Variants in DRC1 observed in about 807,000 individuals in gnomAD.
DRC1 encodes dynein regulatory complex subunit 1.
Under a neutral mutation model 98.7 loss-of-function variants are expected in DRC1, and 74 were observed. The ratio of observed to expected loss-of-function variants is 0.75; its 90% CI spans 0.62 to 0.91. The LOEUF (loss-of-function observed/expected upper bound fraction) is 0.91. Ranked by LOEUF, DRC1 falls within the 40% of genes least tolerant of loss-of-function variation. DRC1 has a pLI of 0.00. For missense variants in DRC1, 875 were observed against 886.0 expected, an observed-to-expected ratio of 0.99 and a Z score of 0.16; for synonymous variants, 336 against 334.1, an observed-to-expected ratio of 1.01 and a Z score of -0.06.
At chr2:26,456,095 G>T (rs1664159374) in intron 16 of DRC1, among the ~76,000 whole-genome samples, 1 of 152,230 alleles carries the variant, frequency 6.6e-6, no homozygotes, top group Non-Finnish European at 1.5e-5. Flanking sequence ...AGACATTCTG[G>T]ACGGTATGGT....
chr2:26,440,345 G>GTGTA (rs1553342515), intron 7 of DRC1, 33 bp from the exon 8 acceptor site: 781 of 1,317,798 alleles, frequency 5.9e-4, no homozygotes, highest in Middle Eastern at 1.4e-3. Flanking sequence ...GTGTGTGTGT[G>GTGTA]TATATATATA....
chr2:26,402,174 C>G (rs13003230), intron 1 of DRC1, 30 bp downstream of exon 1: 3 of 1,542,926 alleles, frequency 1.9e-6, no homozygotes, highest in Non-Finnish European at 2.6e-6. Flanking sequence ...GGGCGGGATC[C>G]GCGCCGCAGG....
At chr2:26,410,495 C>T (rs1223367758) in intron 1 of DRC1, among the ~76,000 whole-genome samples, 3 of 152,118 alleles carry the variant, frequency 2.0e-5, no homozygotes, top group Non-Finnish European at 4.4e-5. Flanking sequence ...TGGTCTCGAA[C>T]TCTTTACCTC....
chr2:26,452,677 A>G (rs1664038899), intron 13 of DRC1, among the ~76,000 whole-genome samples: 1 of 152,226 alleles, frequency 6.6e-6, no homozygotes, highest in Non-Finnish European at 1.5e-5. Flanking sequence ...AATATATGGT[A>G]TGTCTACACG....
At chr2:26,423,622 A>G (rs1663208435) in intron 3 of DRC1, among the ~76,000 whole-genome samples, 1 of 152,214 alleles carries the variant, frequency 6.6e-6, no homozygotes, top group Admixed American at 6.5e-5. Flanking sequence ...CCATATTTGT[A>G]CATTCCACTA....
rs1195233049 is a variant in DRC1, at chr2:26,448,458, G to T, written c.1397-233G>T. The T allele has an allele frequency of 6.0e-6, 4 of 669,690 alleles. No individual in the cohort carries two copies. In the African/African-American group the frequency reaches 7.1e-5, roughly 12 times the overall value. 41.5% of individuals were successfully genotyped at this position (669,690 alleles called of 1,614,324 possible). ...AATTTGGAAAAGTAGGGCATTACAG[G>T]CTGGCTGGGAATGGCCGAGTTCTCC... On this transcript the variant is annotated intron_variant, in intron 10 of 16. Transcript: ENST00000288710.
At chr2:26,414,146 G>A (rs1224512442) in intron 1 of DRC1, among the ~76,000 whole-genome samples, 198 bp from the exon 2 acceptor site, 1 of 79,770 alleles carries the variant, frequency 1.3e-5, no homozygotes. Context: ...TATTATTATT[G>A]TTTTACATAA....
chr2:26,440,655 T>C, intron 8 of DRC1, 138 bp downstream of exon 8: 1 of 1,156,754 alleles, frequency 8.6e-7, no homozygotes. Context: ...TTTGGAAAAG[T>C]TAATACATTC....
chr2:26,454,498 C>A lies in DRC1; in HGVS notation c.1920-149C>A. On this transcript the variant is annotated intron_variant, in intron 14 of 16. Coordinates refer to ENST00000288710, the MANE Select transcript of DRC1 (RefSeq NM_145038.5). This position sits in a 1 kb window ranked among gnomAD's most constrained non-coding sequence, Gnocchi z 5.2. ...AGGAACGTTGACAATAAGCATGCGT[C>A]CTTTCTGAGAACCTGCCACCGTCTA... is the stretch of plus-strand genomic sequence containing the variant. 1 of 1,160,294 alleles carries A rather than the reference C, an allele frequency of 8.6e-7. No individual in the cohort carries two copies. The highest frequency in any genetic ancestry group is 1.2e-6 in the Non-Finnish European group (1 of 823,472). The allele number at this position is 1,160,294 out of a possible 1,614,324, so 71.9% of individuals were successfully genotyped here. A position where few individuals can be genotyped will look rare whatever the true frequency, so the allele number is the denominator to read the frequency against.
At chr2:26,438,087 C>CAA (rs61571007) in intron 7 of DRC1, among the ~76,000 whole-genome samples, 889 of 49,040 alleles carry the variant, frequency 0.018, 15 homozygotes, top group African/African-American at 0.042. Flanking sequence ...GACTCTATCT[C>CAA]AAAAAAAAAA....
At chr2:26,419,218 T>A (rs1358627593) in intron 2 of DRC1, among the ~76,000 whole-genome samples, 1 of 152,168 alleles carries the variant, frequency 6.6e-6, no homozygotes, top group African/African-American at 2.4e-5. Flanking sequence ...TTTTACATGA[T>A]ACTATAATTT....
At chr2:26,403,779 G>A (rs1678331973) in intron 1 of DRC1, among the ~76,000 whole-genome samples, 1 of 95,178 alleles carries the variant, frequency 1.1e-5, no homozygotes. Context: ...TGGGTGACAA[G>A]CACAAAACTC....
intron 7 of DRC1, among the ~76,000 whole-genome samples, chr2:26,439,922 A>AAAATATATATATATATATATATATAT (rs1663667347): frequency 2.3e-5 from 1 of 43,424 alleles, no homozygotes; most frequent in Non-Finnish European, 6.1e-5. Context: ...CTAGTGTGTG[A>AAAATATATATATATATATATATATAT]ATATATATAT....
chr2:26,438,084 T>C (rs914625874), intron 7 of DRC1, among the ~76,000 whole-genome samples: 2 of 102,930 alleles, frequency 1.9e-5, no homozygotes, highest in African/African-American at 4.4e-5. Context: ...AAAGACTCTA[T>C]CTCAAAAAAA....
intron 11 of DRC1, among the ~76,000 whole-genome samples, chr2:26,449,057 A>T (rs1296753143): frequency 6.6e-6 from 1 of 152,272 alleles, no homozygotes; most frequent in Non-Finnish European, 1.5e-5. Flanking sequence ...AGTTTAGGCC[A>T]GCTGGAGGGC....
intron 1 of DRC1, among the ~76,000 whole-genome samples, chr2:26,413,311 T>C (rs1170777665): frequency 1.3e-5 from 2 of 152,236 alleles, no homozygotes; most frequent in Non-Finnish European, 2.9e-5. Context: ...ACAATCATCT[T>C]TCTCGTGCAT....
chr2:26,449,922 G>C (rs920911514), intron 11 of DRC1, 74 bp from the exon 12 acceptor site: 3 of 1,358,408 alleles, frequency 2.2e-6, no homozygotes, highest in Non-Finnish European at 3.1e-6. Flanking sequence ...TGTTACACAG[G>C]GGGCAGCTGC....
At chr2:26,441,873 CTT>C (rs1407547477) in intron 8 of DRC1, among the ~76,000 whole-genome samples, 3 of 152,250 alleles carry the variant, frequency 2.0e-5, no homozygotes, top group African/African-American at 7.2e-5. Context: ...TAAGCACCAT[CTT>C]TTCGTCTCTT....
chr2:26,440,984 C>T lies in DRC1; in HGVS notation c.1028+467C>T, dbSNP rs551890873. ...TCTCTAATGATGGACATGTAGATTG[C>T]TTCCAACCTTTTCCTCTTGCAAATA... On this transcript the variant is annotated intron_variant, in intron 8 of 16. Transcript: ENST00000288710. 7.6e-4 allele frequency among the ~76,000 whole-genome samples: 116 copies of T among 152,330 alleles called. 3 individuals carry two copies. In the South Asian group the frequency reaches 0.022, roughly 29 times the overall value.
Sources: allele counts gnomAD v4.1 joint callset (sites outside exome capture counted in the v4.1 genomes callset), GRCh38; gene constraint gnomAD v4.1.1; non-coding constraint Gnocchi (gnomAD v3.1); transcripts MANE v1.5; gene names NCBI Gene and HGNC (gene_info 2026-07-23, HGNC 2026-07-21).